FMNL2: variants seen among roughly 807,000 people sequenced by gnomAD.
The protein encoded by FMNL2 is formin-like protein 2.
FMNL2 carries 51 observed loss-of-function variants against 130.2 expected under a neutral mutation model. The observed-to-expected ratio is 0.39, with a 90% CI of 0.31 to 0.49. FMNL2 has a LOEUF of 0.49. FMNL2 is among the 20% of genes least tolerant of loss of function. FMNL2 has a pLI of 0.85. For synonymous variants in FMNL2, 465 were observed against 467.1 expected (o/e 1.00, Z 0.06); for missense variants, 977 against 1,316.2 (o/e 0.74, Z 3.99).
At chr2:152,505,295 A>T (rs1183498308) in intron 1 of FMNL2, among the ~76,000 whole-genome samples, 1 of 152,196 alleles carries the variant, frequency 6.6e-6, no homozygotes, top group Non-Finnish European at 1.5e-5. Flanking sequence ...AGTGTTAATG[A>T]GTAAGAAATG....
chr2:152,630,525 C>G (rs987114387), intron 20 of FMNL2, among the ~76,000 whole-genome samples: 3 of 152,162 alleles, frequency 2.0e-5, no homozygotes, highest in Non-Finnish European at 4.4e-5. Flanking sequence ...GTGAATAAGA[C>G]TAGAGAAAAT....
chr2:152,530,715 C>T (rs960500351), intron 2 of FMNL2, among the ~76,000 whole-genome samples: 3 of 152,004 alleles, frequency 2.0e-5, no homozygotes, highest in Non-Finnish European at 4.4e-5. Context: ...TTCCTGGTTG[C>T]CTACAGTGTT....
chr2:152,501,873 G>C (rs578179383), intron 1 of FMNL2, among the ~76,000 whole-genome samples: 1 of 152,300 alleles, frequency 6.6e-6, no homozygotes, highest in East Asian at 1.9e-4. Flanking sequence ...CACTTTGAAT[G>C]TGATCCAAAC....
intron 25 of FMNL2, chr2:152,643,861 T>C (rs147715217): frequency 2.0e-6 from 2 of 985,444 alleles, no homozygotes; most frequent in African/African-American, 1.7e-5. Context: ...AGATTGCTTA[T>C]AAGATTTTTG....
At chr2:152,501,789 C>T (rs1216992393) in intron 1 of FMNL2, among the ~76,000 whole-genome samples, 3 of 151,974 alleles carry the variant, frequency 2.0e-5, no homozygotes, top group Non-Finnish European at 4.4e-5. Context: ...TTGTGAAAGT[C>T]CATACTGTAC....
intron 9 of FMNL2, among the ~76,000 whole-genome samples, chr2:152,591,477 A>G (rs1697436368): frequency 6.6e-6 from 1 of 152,160 alleles, no homozygotes; most frequent in South Asian, 2.1e-4. Context: ...TTTTACAGTG[A>G]CCCCGTTACA....
intron 1 of FMNL2, among the ~76,000 whole-genome samples, chr2:152,415,328 C>A (rs1686550840): frequency 6.6e-6 from 1 of 152,242 alleles, no homozygotes; most frequent in African/African-American, 2.4e-5. Context: ...GTTCACCACG[C>A]AGCTCTGCTG....
At chr2:152,619,244 C>T (rs1035162430) in intron 14 of FMNL2, 86 bp downstream of exon 14, 20 of 1,441,424 alleles carry the variant, frequency 1.4e-5, no homozygotes, top group East Asian at 2.4e-5. Context: ...GTCCTTTGTC[C>T]GTTTTTGTTG....
At chr2:152,410,769 A>C (rs1686239037) in intron 1 of FMNL2, among the ~76,000 whole-genome samples, 1 of 152,212 alleles carries the variant, frequency 6.6e-6, no homozygotes, top group African/African-American at 2.4e-5. Flanking sequence ...TGGGTAAAAA[A>C]GTGAATCCTA....
chr2:152,427,964 T>TACACAAG (rs1687284299), intron 1 of FMNL2, among the ~76,000 whole-genome samples: 1 of 152,244 alleles, frequency 6.6e-6, no homozygotes, highest in Admixed American at 6.5e-5. Context: ...TTACATTCAG[T>TACACAAG]GTACTGTGCT....
At chr2:152,580,840 AT>A in intron 8 of FMNL2, 115 bp from the exon 9 acceptor site, 4 of 936,332 alleles carry the variant, frequency 4.3e-6, no homozygotes, top group Non-Finnish European at 6.5e-6. Context: ...CCTTAGTAAA[AT>A]TTTTTAAAAA....
intron 1 of FMNL2, among the ~76,000 whole-genome samples, chr2:152,408,889 A>G (rs1273614305): frequency 1.3e-5 from 2 of 152,204 alleles, no homozygotes; most frequent in East Asian, 3.8e-4. Context: ...TAAAATTGGA[A>G]AATTGTAAGT....
intron 15 of FMNL2, chr2:152,625,078 C>T (rs1055626634): frequency 5.4e-6 from 1 of 184,836 alleles, no homozygotes; most frequent in East Asian, 1.3e-4. Context: ...TCTCTGCTAT[C>T]TAGTAACATG....
intron 1 of FMNL2, among the ~76,000 whole-genome samples, chr2:152,521,076 C>A (rs1693060742): frequency 6.6e-6 from 1 of 152,162 alleles, no homozygotes; most frequent in Non-Finnish European, 1.5e-5. Flanking sequence ...CACATGAGAA[C>A]TTTGGGGAGG....
At chr2:152,591,194 A>G (rs1697420844) in intron 9 of FMNL2, among the ~76,000 whole-genome samples, 1 of 151,520 alleles carries the variant, frequency 6.6e-6, no homozygotes, top group South Asian at 2.1e-4. Context: ...TATTTTTAGT[A>G]GAGATGGGGT....
At chr2:152,433,706 G>T (rs78457395) in intron 1 of FMNL2, among the ~76,000 whole-genome samples, 5,429 of 152,218 alleles carry the variant, frequency 0.036, 323 homozygotes, top group African/African-American at 0.12. Flanking sequence ...ACCACCTTAG[G>T]TTGGCTGTGA....
At chr2:152,436,244 C>T (rs2106110315) in intron 1 of FMNL2, among the ~76,000 whole-genome samples, 1 of 152,134 alleles carries the variant, frequency 6.6e-6, no homozygotes, top group South Asian at 2.1e-4. Context: ...TGGCTCACTG[C>T]AGCCTCCACC....
intron 25 of FMNL2, among the ~76,000 whole-genome samples, chr2:152,644,893 A>G (rs114145227): frequency 2.6e-5 from 4 of 152,208 alleles, no homozygotes; most frequent in African/African-American, 9.7e-5. Flanking sequence ...GATGCCTAAT[A>G]AGAAACGAAC....
rs1455407367 is a variant in FMNL2, at chr2:152,648,963, C to G, written c.*1058C>G. The stretch of plus-strand genomic sequence containing the variant: ...AATAATACGTAATGGGACTAGATGG[C>G]CCACTAAGCCACTGTTATTTTCCTT... On this transcript the variant is annotated 3_prime_UTR_variant, in exon 26 of 26. Coordinates refer to ENST00000288670, the MANE Select transcript of FMNL2 (RefSeq NM_052905.4). 6.6e-6 allele frequency: 1 copy of G among 152,590 alleles called. No homozygotes were observed. Among genetic ancestry groups the G allele is most frequent in the Non-Finnish European group, 1.5e-5 (1 of 68,038 alleles). The allele number at this position is 152,590 out of a possible 1,614,324, so 9.5% of individuals were successfully genotyped here.
Sources: allele counts gnomAD v4.1 joint callset (sites outside exome capture counted in the v4.1 genomes callset), GRCh38; gene constraint gnomAD v4.1.1; transcripts MANE v1.5; gene names NCBI Gene and HGNC (gene_info 2026-07-23, HGNC 2026-07-21).